The following PCDH7 variants were observed in gnomAD, a reference collection of about 807,000 sequenced individuals.
PCDH7 encodes the protein protocadherin 7, also known as protocadherin-7.
In PCDH7, 17 loss-of-function variants were observed where a neutral mutation model predicts 58.9. That is an observed-to-expected ratio of 0.29 (90% confidence interval 0.20 to 0.43). The LOEUF is 0.43. PCDH7 is among the 20% of genes least tolerant of loss of function. The pLI, the probability that PCDH7 is intolerant of heterozygous loss-of-function variation, is 1.00. For synonymous variants in PCDH7, 664 were observed against 616.4 expected, an observed-to-expected ratio of 1.08 and a Z score of -1.14; for missense variants, 1,274 against 1,441.0, an observed-to-expected ratio of 0.88 and a Z score of 1.88.
chr4:31,083,444 A>G (rs1711886547), intron 3 of PCDH7, among the ~76,000 whole-genome samples: 1 of 152,180 alleles, frequency 6.6e-6, no homozygotes, highest in African/African-American at 2.4e-5. Context: ...TGTCTTTATC[A>G]CAGACCACTT....
intron 3 of PCDH7, among the ~76,000 whole-genome samples, chr4:31,077,249 A>G (rs2109261839): frequency 6.6e-6 from 1 of 152,106 alleles, no homozygotes; most frequent in African/African-American, 2.4e-5. Context: ...CATTTCTACT[A>G]AAAATACAAA....
intron 1 of PCDH7, among the ~76,000 whole-genome samples, chr4:30,892,326 A>G (rs1326152505): frequency 6.6e-6 from 1 of 152,044 alleles, no homozygotes; most frequent in Admixed American, 6.6e-5. Flanking sequence ...AAGTTGTTAG[A>G]ATTTATAATC....
At chr4:30,905,319 A>G (rs1264407901) in intron 1 of PCDH7, among the ~76,000 whole-genome samples, 1 of 152,102 alleles carries the variant, frequency 6.6e-6, no homozygotes, top group African/African-American at 2.4e-5. Context: ...ACTGCTGCAG[A>G]CTAACTCCAA....
At chr4:30,987,606 C>T (rs556518108) in intron 3 of PCDH7, 3 of 152,106 alleles carry the variant, frequency 2.0e-5, no homozygotes, top group African/African-American at 7.2e-5. Flanking sequence ...ACGCTTGAAT[C>T]CAGAAGTTCT....
intron 3 of PCDH7, among the ~76,000 whole-genome samples, chr4:31,134,160 G>A (rs1339440702): frequency 6.6e-6 from 1 of 152,026 alleles, no homozygotes; most frequent in Non-Finnish European, 1.5e-5. Flanking sequence ...ATGATGAGGA[G>A]ATATAAAAGA....
At chr4:30,928,872 T>C (rs1159870533) in intron 2 of PCDH7, among the ~76,000 whole-genome samples, 1 of 152,254 alleles carries the variant, frequency 6.6e-6, no homozygotes, top group East Asian at 1.9e-4. Flanking sequence ...TCTAATTGAG[T>C]TACTGTTACC....
intron 3 of PCDH7, among the ~76,000 whole-genome samples, chr4:30,976,697 C>A (rs1055084862): frequency 1.3e-5 from 2 of 152,102 alleles, no homozygotes; most frequent in Non-Finnish European, 2.9e-5. Flanking sequence ...CTGCACCCGG[C>A]CCATAAAATT....
chr4:30,802,881 A>G (rs1158603064), intron 1 of PCDH7, among the ~76,000 whole-genome samples: 1 of 152,120 alleles, frequency 6.6e-6, no homozygotes, highest in Non-Finnish European at 1.5e-5. Flanking sequence ...TGGTTATTCA[A>G]TTTTCTCAGG....
intron 1 of PCDH7, among the ~76,000 whole-genome samples, chr4:30,837,057 C>T (rs555028612): frequency 5.3e-5 from 8 of 152,128 alleles, no homozygotes; most frequent in Admixed American, 2.0e-4. Flanking sequence ...GACAGATACA[C>T]GAAGTCTAGA....
intron 2 of PCDH7, among the ~76,000 whole-genome samples, chr4:30,933,644 G>C (rs1050226767): frequency 6.6e-6 from 1 of 151,994 alleles, no homozygotes; most frequent in Non-Finnish European, 1.5e-5. Flanking sequence ...ATTCTATAAA[G>C]TGTCTTTCCA....
intron 3 of PCDH7, among the ~76,000 whole-genome samples, chr4:31,026,380 A>G (rs965037509): frequency 4.6e-5 from 7 of 152,250 alleles, no homozygotes; most frequent in African/African-American, 1.7e-4. Flanking sequence ...CTGATCGGCA[A>G]CAGCCAGGCT....
At chr4:31,120,102 C>T (rs1489069330) in intron 3 of PCDH7, among the ~76,000 whole-genome samples, 2 of 152,042 alleles carry the variant, frequency 1.3e-5, no homozygotes, top group Non-Finnish European at 2.9e-5. Context: ...CTGCCCTGTT[C>T]GTGTCTGACT....
chr4:30,938,544 A>G (rs1335938532), intron 2 of PCDH7, among the ~76,000 whole-genome samples: 1 of 151,934 alleles, frequency 6.6e-6, no homozygotes, highest in Non-Finnish European at 1.5e-5. Context: ...AGGCTAGGCC[A>G]AGCAGGTTTG....
downstream of PCDH7, chr4:31,145,111 A>G (rs74458078): frequency 5.3e-5 from 8 of 151,664 alleles, no homozygotes; most frequent in East Asian, 1.6e-3. Context: ...CTGATAGCTC[A>G]TTTCACCCTA....
intron 1 of PCDH7, among the ~76,000 whole-genome samples, chr4:30,729,663 C>T (rs1324375001): frequency 6.6e-6 from 1 of 152,064 alleles, no homozygotes; most frequent in Non-Finnish European, 1.5e-5. Context: ...TTTATGCATT[C>T]TAATTGTGAT....
intron 1 of PCDH7, among the ~76,000 whole-genome samples, chr4:30,822,079 A>C (rs144229660): frequency 6.6e-6 from 1 of 152,222 alleles, no homozygotes; most frequent in Non-Finnish European, 1.5e-5. Flanking sequence ...TGGCACAGAC[A>C]TAGTAAGTCC....
At chr4:31,087,147 G>T (rs1170455123) in intron 3 of PCDH7, among the ~76,000 whole-genome samples, 1 of 152,124 alleles carries the variant, frequency 6.6e-6, no homozygotes, top group Non-Finnish European at 1.5e-5. Flanking sequence ...CACGATGGTG[G>T]TAGTAAATAA....
At chr4:30,776,315 G>A (rs1170581571) in intron 1 of PCDH7, 1 of 152,194 alleles carries the variant, frequency 6.6e-6, no homozygotes, top group Non-Finnish European at 1.5e-5. Context: ...GACCTGCAAA[G>A]AAGAATGGAA....
intron 3 of PCDH7, among the ~76,000 whole-genome samples, chr4:30,959,899 T>C (rs1261816831): frequency 6.6e-6 from 1 of 152,068 alleles, no homozygotes; most frequent in Non-Finnish European, 1.5e-5. Flanking sequence ...GGATATATAC[T>C]TAATCAATGA....
Sources: allele counts gnomAD v4.1 joint callset (sites outside exome capture counted in the v4.1 genomes callset), GRCh38; gene constraint gnomAD v4.1.1; transcripts MANE v1.5; gene names NCBI Gene and HGNC (gene_info 2026-07-23, HGNC 2026-07-21).